Variants in DAB2IP observed in about 807,000 individuals in gnomAD.
DAB2IP encodes DAB2 interacting protein.
DAB2IP carries 28 observed loss-of-function variants against 107.2 expected under a neutral mutation model. That is an observed-to-expected ratio of 0.26 (90% CI 0.19 to 0.36). The LOEUF is 0.36. Ranked by LOEUF, DAB2IP falls within the 10% of genes least tolerant of loss-of-function variation. The pLI, the probability that DAB2IP is intolerant of heterozygous loss-of-function variation, is 1.00. For synonymous variants in DAB2IP, 755 were observed against 706.4 expected (o/e 1.07, Z -1.09); for missense variants, 1,400 against 1,644.7 (o/e 0.85, Z 2.57).
chr9:121,637,171 G>A (rs1362964686), intron 1 of DAB2IP, among the ~76,000 whole-genome samples: 1 of 152,176 alleles, frequency 6.6e-6, no homozygotes, highest in Non-Finnish European at 1.5e-5. Flanking sequence ...GTGTCTCTGA[G>A]GCTTGATTTC....
At chr9:121,642,689 A>G (rs1448342532) in intron 1 of DAB2IP, among the ~76,000 whole-genome samples, 2 of 151,036 alleles carry the variant, frequency 1.3e-5, no homozygotes, top group Non-Finnish European at 1.5e-5. Context: ...TCACACATTT[A>G]TTGAGTGCTA....
chr9:121,678,611 G>A, intron 1 of DAB2IP, 67 bp from the exon 2 acceptor site: 1 of 1,300,904 alleles, frequency 7.7e-7, no homozygotes, highest in East Asian at 3.0e-5. Context: ...GATGGGAGTG[G>A]CAGGAGGCCC....
intron 3 of DAB2IP, among the ~76,000 whole-genome samples, chr9:121,723,100 C>T (rs1242466947): frequency 6.6e-6 from 1 of 152,238 alleles, no homozygotes; most frequent in Non-Finnish European, 1.5e-5. Context: ...CCCTCTCTCC[C>T]AGCACCCACA....
At chr9:121,778,309 G>C (rs80018596) in intron 14 of DAB2IP, among the ~76,000 whole-genome samples, 1 of 152,244 alleles carries the variant, frequency 6.6e-6, no homozygotes, top group East Asian at 1.9e-4. Context: ...TCACCTTGGG[G>C]GTTAGGTGTC....
intron 2 of DAB2IP, among the ~76,000 whole-genome samples, chr9:121,683,268 T>C (rs551667126): frequency 6.6e-6 from 1 of 152,258 alleles, no homozygotes; most frequent in East Asian, 1.9e-4. Context: ...GTGGTTTGAT[T>C]TGGGAGGCAA....
At chr9:121,695,099 T>C (rs1829353545) in intron 2 of DAB2IP, among the ~76,000 whole-genome samples, 1 of 152,080 alleles carries the variant, frequency 6.6e-6, no homozygotes, top group African/African-American at 2.4e-5. Context: ...CCCGTGCACT[T>C]TGGGCATCGG....
chr9:121,616,578 T>A (rs538454949), intron 1 of DAB2IP, among the ~76,000 whole-genome samples: 1 of 152,246 alleles, frequency 6.6e-6, no homozygotes, highest in South Asian at 2.1e-4. Context: ...TAGCTTTGAA[T>A]TTTTCCCCAC....
At chr9:121,763,814 A>G in exon 8 of DAB2IP, 1 of 1,614,136 alleles carries the variant, frequency 6.2e-7, no homozygotes, top group Non-Finnish European at 8.5e-7. Flanking sequence ...CTGACCTCCC[A>G]GAGCACCAGG....
At chr9:121,617,961 G>A (rs1831336943) in intron 1 of DAB2IP, among the ~76,000 whole-genome samples, 2 of 152,188 alleles carry the variant, frequency 1.3e-5, no homozygotes, top group Non-Finnish European at 2.9e-5. Flanking sequence ...TTAATCACCT[G>A]CTAGACTGAG....
At chr9:121,778,967 T>G (rs1454930330) in intron 14 of DAB2IP, among the ~76,000 whole-genome samples, 1 of 152,214 alleles carries the variant, frequency 6.6e-6, no homozygotes, top group Non-Finnish European at 1.5e-5. Flanking sequence ...GATTTGTATG[T>G]CTGCAGTCCC....
chr9:121,651,465 G>A (rs968039448), upstream of DAB2IP: 1 of 173,678 alleles, frequency 5.8e-6, no homozygotes, highest in Admixed American at 6.5e-5. This position sits in a 1 kb window ranked among gnomAD's most constrained non-coding sequence, Gnocchi z 5.1. Flanking sequence ...ACCCGTCTGG[G>A]GTCCCGGGGA....
chr9:121,697,715 G>A (rs1829495740), intron 2 of DAB2IP, among the ~76,000 whole-genome samples: 1 of 152,176 alleles, frequency 6.6e-6, no homozygotes, highest in Non-Finnish European at 1.5e-5. Context: ...TCCACTGCCT[G>A]GGATGGCCTT....
At chr9:121,737,647 T>A in intron 3 of DAB2IP, 1 of 985,364 alleles carries the variant, frequency 1.0e-6, no homozygotes, top group Non-Finnish European at 1.2e-6. Context: ...CAGATCTGGC[T>A]CCAGAGCCTC....
rs750886157 is a variant in DAB2IP at position 121,772,963 on chromosome 9, C to A, written c.2435C>A (p.Thr812Asn). The stretch of plus-strand genomic sequence containing the variant: ...GGCCAGACACCAACCACACCAGGCA[C>A]CTCCGAGGGCGCGCCAGGCCGGCCC... The change falls in exon 12 of 16, where the codon ACC (threonine) becomes AAC (asparagine). Residue 812 changes from threonine (T) to asparagine (N), a missense_variant. By Grantham distance (65) the Thr-to-Asn change is moderately conservative. This residue lies in a region of DAB2IP where 600 missense variants were observed against 659.1 expected (regional missense o/e 0.91). Transcript: ENST00000408936. The surrounding 1 kb of genome is among the most constrained non-coding windows in gnomAD (Gnocchi z 4.7). 1 of 1,587,740 alleles carries A rather than the reference C, an allele frequency of 6.3e-7. No individual in the cohort carries two copies. Among genetic ancestry groups the A allele is most frequent in the African/African-American group, 1.3e-5 (1 of 74,622 alleles).
intron 3 of DAB2IP, among the ~76,000 whole-genome samples, chr9:121,735,938 C>T (rs1831867779): frequency 6.6e-6 from 1 of 152,200 alleles, no homozygotes; most frequent in South Asian, 2.1e-4. Flanking sequence ...GGAACCTGGG[C>T]AGCTCACACA....
At chr9:121,733,286 G>A (rs1831653052) in intron 3 of DAB2IP, among the ~76,000 whole-genome samples, 1 of 152,242 alleles carries the variant, frequency 6.6e-6, no homozygotes, top group African/African-American at 2.4e-5. Context: ...TCAGTCTCTA[G>A]AAAGAAGAGA....
At chr9:121,755,780 TGA>T (rs1833434969) in intron 3 of DAB2IP, among the ~76,000 whole-genome samples, 1 of 152,024 alleles carries the variant, frequency 6.6e-6, no homozygotes, top group Admixed American at 6.6e-5. Flanking sequence ...GTCGCAGAAA[TGA>T]GTGTACAGGG....
chr9:121,660,529 G>A (rs1833155284), intron 1 of DAB2IP, among the ~76,000 whole-genome samples: 1 of 152,160 alleles, frequency 6.6e-6, no homozygotes, highest in Non-Finnish European at 1.5e-5. Flanking sequence ...ATGGGGGAAG[G>A]CAGAGGGCAG....
intron 1 of DAB2IP, among the ~76,000 whole-genome samples, chr9:121,604,917 C>T (rs1259638494): frequency 6.6e-6 from 1 of 152,224 alleles, no homozygotes; most frequent in Non-Finnish European, 1.5e-5. Flanking sequence ...AAGTGGAGAG[C>T]CTCGCAGTCT....
Sources: gnomAD v4.1 joint callset for allele counts (sites outside exome capture counted in the v4.1 genomes callset) on GRCh38, gnomAD v4.1.1 for gene constraint, gnomAD v4.1.1 regional missense constraint, Gnocchi (gnomAD v3.1) non-coding constraint, MANE v1.5 for transcripts, NCBI Gene and HGNC (gene_info 2026-07-23, HGNC 2026-07-21) for gene names.